Variants in INSL6 observed in about 807,000 individuals in gnomAD.
INSL6 encodes the protein insulin-like peptide INSL6.
A neutral mutation model predicts 9.4 loss-of-function variants in INSL6; 16 were observed. The ratio of observed to expected loss-of-function variants is 1.70; its 90% confidence interval spans 1.15 to 2.59. The LOEUF is 2.59. Among genes scored for constraint, INSL6 ranks in the 30% most tolerant of loss-of-function variants. The pLI is 0.00. For missense variants in INSL6, 391 were observed against 257.3 expected, an observed-to-expected ratio of 1.52 and a Z score of -3.56; for synonymous variants, 154 against 96.9, an observed-to-expected ratio of 1.59 and a Z score of -3.46.
intron 2 of INSL6, among the ~76,000 whole-genome samples, chr9:5,156,215 A>G (rs1435871974): frequency 2.0e-5 from 3 of 152,240 alleles, no homozygotes; most frequent in African/African-American, 4.8e-5. Flanking sequence ...TTAATTTGTA[A>G]TTAAAACCTG....
chr9:5,072,635 G>C, the INSL6 span: 1 of 1,582,470 alleles, frequency 6.3e-7, no homozygotes, highest in Non-Finnish European at 8.6e-7. Flanking sequence ...AGGTGTGTAT[G>C]TTCTTTATAT....
the INSL6 span, among the ~76,000 whole-genome samples, chr9:5,081,259 ATT>A: frequency 1.3e-5 from 2 of 149,816 alleles, no homozygotes; most frequent in African/African-American, 4.9e-5. Context: ...AAATTATAGT[ATT>A]TTTTTTTTGC....
At chr9:5,138,670 G>T (rs1824431869) in intron 2 of INSL6, among the ~76,000 whole-genome samples, 1 of 151,862 alleles carries the variant, frequency 6.6e-6, no homozygotes, top group Non-Finnish European at 1.5e-5. Context: ...CATGACACAT[G>T]TATACCTATG....
At chr9:5,029,464 C>G in the INSL6 span, among the ~76,000 whole-genome samples, 1 of 152,104 alleles carries the variant, frequency 6.6e-6, no homozygotes, top group Non-Finnish European at 1.5e-5. Context: ...AAAGTGAGCA[C>G]GTGCTGTTGG....
the INSL6 span, among the ~76,000 whole-genome samples, chr9:5,053,905 G>A: frequency 1.1e-4 from 17 of 151,798 alleles, no homozygotes; most frequent in East Asian, 3.8e-4. Flanking sequence ...CATATATTAC[G>A]GCATGGAAAA....
intron 2 of INSL6, among the ~76,000 whole-genome samples, chr9:5,158,574 A>G (rs1824863774): frequency 6.6e-6 from 1 of 152,182 alleles, no homozygotes; most frequent in Non-Finnish European, 1.5e-5. Context: ...AGAGAGTGGC[A>G]TGACATATTT....
At chr9:5,081,799 G>GAAC in the INSL6 span, 1 of 1,612,900 alleles carries the variant, frequency 6.2e-7, no homozygotes, top group Non-Finnish European at 8.5e-7. Context: ...TGGTGCCTTT[G>GAAC]AAGACCGGGA....
rs188713846 is a variant in INSL6 at position 5,151,036 on chromosome 9, C to G, written c.376+13143G>C. Among the ~76,000 whole-genome samples the G allele has an allele frequency of 2.0e-5, 3 of 152,246 alleles. No homozygotes were observed. The East Asian group carries it at 5.8e-4, about 29-fold the overall frequency. ...AAGTGGGACCTAAATAATGTACACA[C>G]ATGGTTGTAAAGTATGGAATGACAG... is the stretch of plus-strand genomic sequence containing the variant. On this transcript the variant is annotated intron_variant, in intron 2 of 3. Transcript: ENST00000649639.
chr9:5,007,529 A>C, the INSL6 span, among the ~76,000 whole-genome samples: 3 of 151,994 alleles, frequency 2.0e-5, no homozygotes, highest in Non-Finnish European at 4.4e-5. Flanking sequence ...TTTTTTGTTG[A>C]GGTATTAAGA....
At chr9:5,063,880 G>T in the INSL6 span, among the ~76,000 whole-genome samples, 10 of 152,308 alleles carry the variant, frequency 6.6e-5, no homozygotes, top group Admixed American at 5.2e-4. Context: ...CAATCAGGCC[G>T]GGCATGGTGA....
intron 1 of INSL6, among the ~76,000 whole-genome samples, chr9:5,165,192 C>G (rs1277941732): frequency 6.6e-6 from 1 of 152,048 alleles, no homozygotes; most frequent in Admixed American, 6.5e-5. Flanking sequence ...GTCTAGGTGA[C>G]AGAGCAAGAC....
At chr9:4,996,292 C>A in the INSL6 span, among the ~76,000 whole-genome samples, 1 of 151,880 alleles carries the variant, frequency 6.6e-6, no homozygotes, top group African/African-American at 2.4e-5. Context: ...CTACTAAATA[C>A]AAAAAAATAG....
chr9:5,164,127 T>G lies in INSL6; in HGVS notation c.428A>C (p.Glu143Ala). Residue 143 changes from glutamate (E) to alanine (A), a missense_variant, in exon 2 of 2, where the codon GAG becomes GCG. By Grantham distance (107) the Glu-to-Ala change is moderately radical. Transcript: ENST00000381641. ...SSHNINVYIHENAKFQKKRRN... is the reference protein window; with the variant it reads ...SSHNINVYIHANAKFQKKRRN... ...ACGTTTCTTCTGAAATTTTGCATTC[T>G]CATGAATATATACATTGATATTATG... 1 of 1,612,396 alleles carries G rather than the reference T, an allele frequency of 6.2e-7. No individual in the cohort carries two copies. The highest frequency in any genetic ancestry group is 8.5e-7 in the Non-Finnish European group (1 of 1,179,452).
At chr9:5,043,016 C>T in the INSL6 span, among the ~76,000 whole-genome samples, 1 of 152,194 alleles carries the variant, frequency 6.6e-6, no homozygotes, top group Non-Finnish European at 1.5e-5. Flanking sequence ...TCGCGCGGCT[C>T]GGCCCCTGGG....
the INSL6 span, chr9:5,041,745 A>G: frequency 2.0e-6 from 1 of 492,168 alleles, no homozygotes; most frequent in African/African-American, 2.0e-5. Flanking sequence ...GGCGACCCCC[A>G]TCAGCAGTGT....
chr9:5,182,894 C>T (rs75422903), intron 1 of INSL6, among the ~76,000 whole-genome samples: 1,622 of 152,172 alleles, frequency 0.011, 12 homozygotes, highest in Non-Finnish European at 0.018. Context: ...TAACAAGAAG[C>T]ACACAATTAC....
In INSL6 at chr9:5,150,824, C is replaced by T. The variant is rs1824696433; in HGVS notation, c.376+13355G>A. Among the ~76,000 whole-genome samples the T allele has an allele frequency of 2.0e-5, 3 of 148,898 alleles. No individual in the cohort carries two copies. In the South Asian group the frequency reaches 6.4e-4, roughly 32 times the overall value. On this transcript the variant is annotated intron_variant, in intron 2 of 3. Transcript: ENST00000649639. The stretch of plus-strand genomic sequence containing the variant: ...ATAGGAAATCAACCTAAGTATCCAT[C>T]AACAGATGACTGGATAAAGGAGACA...
At chr9:5,071,954 G>C in the INSL6 span, among the ~76,000 whole-genome samples, 3 of 152,196 alleles carry the variant, frequency 2.0e-5, no homozygotes, top group Admixed American at 2.0e-4. Context: ...ATGTGTCATG[G>C]ACTGTGCTAA....
chr9:5,128,797 A>G (rs1408368437), intron 3 of INSL6, among the ~76,000 whole-genome samples: 1 of 152,008 alleles, frequency 6.6e-6, no homozygotes, highest in African/African-American at 2.4e-5. Flanking sequence ...GTAGTTATTA[A>G]GTTGGTTCTG....
Sources: allele counts gnomAD v4.1 joint callset (sites outside exome capture counted in the v4.1 genomes callset), GRCh38; gene constraint gnomAD v4.1.1; transcripts MANE v1.5; gene names NCBI Gene and HGNC (gene_info 2026-07-23, HGNC 2026-07-21).